Variants in LTBP4 observed in about 807,000 individuals in gnomAD.
LTBP4 encodes the protein latent transforming growth factor beta binding protein 4, also known as latent-transforming growth factor beta-binding protein 4.
A neutral mutation model predicts 180.2 loss-of-function variants in LTBP4; 93 were observed. The ratio of observed to expected loss-of-function variants is 0.52; its 90% CI spans 0.44 to 0.61. The LOEUF is 0.61. LTBP4 is among the 20% of genes least tolerant of loss of function. The pLI, the probability that LTBP4 is intolerant of heterozygous loss-of-function variation, is 0.00. For missense variants in LTBP4, 2,116 were observed against 2,256.5 expected (o/e 0.94, Z 1.26); for synonymous variants, 947 against 934.5 (o/e 1.01, Z -0.24).
At position 40,612,176 on chromosome 19, in the gene LTBP4, C is replaced by G. The variant is rs748702208; in HGVS notation, c.2283C>G (p.His761Gln). The G allele has an allele frequency of 6.2e-7, 1 of 1,606,934 alleles. No individual in the cohort carries two copies. Among genetic ancestry groups the G allele is most frequent in the Non-Finnish European group, 8.5e-7 (1 of 1,177,164 alleles). ...CCTGTCCTTCTGGCCACCACCTGCA[C>G]CGTGGCAGATGCACTGGTGAGACCA... ...CRTCPSGHHL[H>Q]RGRCTDVDEC... The change falls in exon 15 of 30, where the codon CAC becomes CAG. Residue 761 changes from histidine (H) to glutamine (Q), a missense_variant. Coordinates refer to ENST00000396819, the MANE Select transcript of LTBP4 (RefSeq NM_001042545.2).
chr19:40,606,150 C>T (rs931856545), intron 4 of LTBP4, 83 bp from the exon 5 acceptor site: 5 of 1,260,474 alleles, frequency 4.0e-6, no homozygotes, highest in Non-Finnish European at 5.7e-6. Flanking sequence ...TCTTTTAGTC[C>T]CTCCCACCCC....
chr19:40,627,780 G>A lies in LTBP4; in HGVS notation c.4442G>A (p.Cys1481Tyr). The A allele has an allele frequency of 6.3e-7, 1 of 1,575,338 alleles. No homozygotes were observed. Among genetic ancestry groups the A allele is most frequent in the Non-Finnish European group, 8.6e-7 (1 of 1,164,352 alleles). ...GILDGCTNGR[C>Y]VRVPEGFTCR... ...CTGGACGGCTGCACCAACGGCCGCT[G>A]CGTGCGCGTCCCCGAAGGCTTCACC... is the stretch of plus-strand genomic sequence containing the variant. Residue 1481 changes from cysteine (C) to tyrosine (Y), a missense_variant, in exon 29 of 30, where the codon TGC becomes TAC. Cys to Tyr is a radical substitution (Grantham distance 194). Around this residue, in one of 5 missense-constraint regions of LTBP4, gnomAD observed 488 missense variants for 458.8 expected, o/e 1.06. Coordinates refer to ENST00000396819, the MANE Select transcript of LTBP4 (RefSeq NM_001042545.2).
Position 40,601,604 on chromosome 19 carries a change from G to C in LTBP4, c.217G>C (p.Gly73Arg). 7.1e-7 allele frequency: 1 copy of C among 1,400,350 alleles called. No homozygotes were observed. Among genetic ancestry groups the C allele is most frequent in the Non-Finnish European group, 9.2e-7 (1 of 1,085,158 alleles). The allele number at this position is 1,400,350 out of a possible 1,614,324, so 86.7% of individuals were successfully genotyped here. The change falls in exon 1 of 30, where the codon GGG becomes CGG. Residue 73 changes from glycine (G) to arginine (R), a missense_variant. This residue lies in a region of LTBP4 where 469 missense variants were observed against 532.5 expected (regional missense o/e 0.88). Transcript: ENST00000396819. ...ATSVDSGAPGGAAPGGPGFRA... is the reference protein window; with the variant it reads ...ATSVDSGAPGRAAPGGPGFRA... ...CAGCGTGGACAGCGGCGCTCCCGGC[G>C]GGGCGGCCCCGGGGGGACCCGGCTT...
Position 40,625,922 on chromosome 19 carries a change from G to A in LTBP4, c.3898G>A (p.Asp1300Asn), listed in dbSNP as rs1336863229. ...ADLVCSHPRL[D>N]RQATYTECCC... Reference sequence around the variant, plus strand: ...CCTCGTGTGCAGCCACCCTCGGCTGGACCGTCAGGCCACCTACACAGAGTG... The same window carrying A: ...CCTCGTGTGCAGCCACCCTCGGCTGAACCGTCAGGCCACCTACACAGAGTG... Residue 1300 changes from aspartate to asparagine, a missense_variant, in exon 27 of 30, where the codon GAC (aspartate) becomes AAC (asparagine). Physicochemically the swap from Asp to Asn is conservative, Grantham distance 23. Transcript: ENST00000396819. 7 of 1,604,286 alleles carry A rather than the reference G, an allele frequency of 4.4e-6. No homozygotes were observed. The highest frequency in any genetic ancestry group is 5.1e-6 in the Non-Finnish European group (6 of 1,176,192).
Position 40,610,539 on chromosome 19 carries a change from C to A in LTBP4, c.1692C>A (p.Asp564Glu), listed in dbSNP as rs772128413. Residue 564 changes from aspartate (D) to glutamate (E), a missense_variant, in exon 12 of 30, where the codon GAC becomes GAA. Coordinates refer to ENST00000396819, the MANE Select transcript of LTBP4 (RefSeq NM_001042545.2). ...GPRAAECLDVDECHRVPPPCD... is the reference protein window; with the variant it reads ...GPRAAECLDVEECHRVPPPCD... ...CCTGGTCTGTGCCTACAGATGTGGA[C>A]GAGTGCCACCGCGTGCCGCCGCCGT... 3 of 1,594,002 alleles carry A rather than the reference C, an allele frequency of 1.9e-6. No individual in the cohort carries two copies. Among genetic ancestry groups the A allele is most frequent in the Admixed American group, 1.7e-5 (1 of 58,614 alleles).
intron 29 of LTBP4, 76 bp downstream of exon 29, chr19:40,627,933 G>C: frequency 2.0e-6 from 3 of 1,494,820 alleles, no homozygotes; most frequent in Non-Finnish European, 2.7e-6. Flanking sequence ...CCTGACTAGG[G>C]GGTGCTGGTC....
At chr19:40,593,667 T>G (rs762996320) in intron 1 of LTBP4, among the ~76,000 whole-genome samples, 41 of 149,482 alleles carry the variant, frequency 2.7e-4, no homozygotes, top group Non-Finnish European at 4.9e-4. Context: ...TATGGTGGTG[T>G]TTTGTAATGC....
Position 40,605,904 on chromosome 19 carries a change from C to T in LTBP4, c.793+73C>T, listed in dbSNP as rs930034531. On this transcript the variant is annotated intron_variant, in intron 4 of 29. Coordinates refer to ENST00000396819, the MANE Select transcript of LTBP4 (RefSeq NM_001042545.2). This position sits in a 1 kb window ranked among gnomAD's most constrained non-coding sequence, Gnocchi z 5.5. Reference sequence around the variant, plus strand: ...CAACCTCACCGTTCCTCCTACTCTGCCCTAGATAAACCCAGTTCACAAATT... The same window carrying T: ...CAACCTCACCGTTCCTCCTACTCTGTCCTAGATAAACCCAGTTCACAAATT... 3.4e-6 allele frequency: 5 copies of T among 1,452,602 alleles called. No homozygotes were observed. Among genetic ancestry groups the T allele is most frequent in the Non-Finnish European group, 4.6e-6 (5 of 1,081,214 alleles). 90.0% of individuals were successfully genotyped at this position (1,452,602 alleles called of 1,614,324 possible).
At position 40,605,623 on chromosome 19, in the gene LTBP4, T is replaced by G; in HGVS notation, c.661T>G (p.Tyr221Asp). 1.3e-6 allele frequency: 2 copies of G among 1,590,730 alleles called. No individual in the cohort carries two copies. Among genetic ancestry groups the G allele is most frequent in the East Asian group, 2.3e-5 (1 of 43,934 alleles). The change falls in exon 3 of 30, where the codon TAC becomes GAC. Residue 221 changes from tyrosine (Y) to aspartate (D), a missense_variant. Tyr to Asp is a radical substitution (Grantham distance 160, BLOSUM62 -3). This residue lies in a region of LTBP4 where 469 missense variants were observed against 532.5 expected (regional missense o/e 0.88). Coordinates refer to ENST00000396819, the MANE Select transcript of LTBP4 (RefSeq NM_001042545.2). The surrounding 1 kb of genome is among the most constrained non-coding windows in gnomAD (Gnocchi z 5.5). ...DGYSDASGFG[Y>D]CFRELRGGEC... is the part of the protein sequence containing the mutation. ...CTACTCAGATGCCTCGGGCTTCGGT[T>G]ACTGCTTTCGGGAGCTGCGCGGAGG...
chr19:40,597,358 G>C, upstream of LTBP4: 1 of 1,520,928 alleles, frequency 6.6e-7, no homozygotes, highest in African/African-American at 1.4e-5. Flanking sequence ...CGAGGTCCCG[G>C]GGGTCCCCAG....
At chr19:40,623,104 C>T (rs1178586975) in intron 24 of LTBP4, 83 bp downstream of exon 24, 21 of 1,046,316 alleles carry the variant, frequency 2.0e-5, no homozygotes, top group East Asian at 2.7e-5. Flanking sequence ...CTCTGTCTCT[C>T]ACCCTTTCTG....
chr19:40,610,448 C>A, intron 11 of LTBP4, 84 bp from the exon 12 acceptor site: 1 of 1,486,428 alleles, frequency 6.7e-7, no homozygotes. Flanking sequence ...GGTCCCGCTC[C>A]CGCTTCCCTC....
Position 40,611,202 on chromosome 19 carries a change from A to G in LTBP4, c.1861A>G (p.Lys621Glu). ...SPGLCGRGAC[K>E]NLPGSFRCVC... ...AGGCCTGTGTGGCCGAGGGGCCTGC[A>G]AGAACCTGCCTGGCTCTTTCCGCTG... Residue 621 changes from lysine (K) to glutamate (E), a missense_variant, in exon 13 of 30, where the codon AAG becomes GAG. Lys to Glu is a moderately conservative substitution (Grantham distance 56, BLOSUM62 1). This residue lies in a region of LTBP4 where 877 missense variants were observed against 873.6 expected (regional missense o/e 1.00). Coordinates refer to ENST00000396819, the MANE Select transcript of LTBP4 (RefSeq NM_001042545.2). This position sits in a 1 kb window ranked among gnomAD's most constrained non-coding sequence, Gnocchi z 4.4. 6.2e-7 allele frequency: 1 copy of G among 1,613,766 alleles called. No individual in the cohort carries two copies. Among genetic ancestry groups the G allele is most frequent in the Middle Eastern group, 1.7e-4 (1 of 6,046 alleles).
intron 19 of LTBP4, among the ~76,000 whole-genome samples, 166 bp downstream of exon 19, chr19:40,614,612 A>T (rs888585799): frequency 6.6e-6 from 1 of 151,916 alleles, no homozygotes; most frequent in East Asian, 1.9e-4. Context: ...GTGTCCATGT[A>T]TTTTCTTGTG....
intron 26 of LTBP4, among the ~76,000 whole-genome samples, chr19:40,624,551 G>A (rs945275154): frequency 2.0e-5 from 3 of 151,970 alleles, no homozygotes; most frequent in Non-Finnish European, 2.9e-5. Context: ...GTGCTACCAC[G>A]CCCAGCTAAT....
rs762614195 is a variant in LTBP4, at chr19:40,608,515, G to A, written c.1338G>A (p.Arg446=). The A allele has an allele frequency of 2.5e-6, 4 of 1,606,576 alleles. No individual in the cohort carries two copies. The highest frequency in any genetic ancestry group is 2.7e-5 in the African/African-American group (2 of 74,828). Residue 446 remains arginine (R), a synonymous_variant, in exon 9 of 30, where the codon CGG becomes CGA. Transcript: ENST00000396819. ...GFLPTHRLEP[R]PEPRPDPRPG... ...TGCCCACCCATCGCCTGGAGCCCCG[G>A]CCTGAACCCCGGCCCGATCCCCGGC...
At position 40,619,473 on chromosome 19, in the gene LTBP4, T is replaced by C; in HGVS notation, c.3197T>C (p.Val1066Ala). Residue 1066 changes from valine to alanine, a missense_variant, in exon 22 of 30, where the codon GTT becomes GCT. By Grantham distance (64) the Val-to-Ala change is moderately conservative. Coordinates refer to ENST00000396819, the MANE Select transcript of LTBP4 (RefSeq NM_001042545.2). ...TTTGACCCCATGACTGGACGCTGTG[T>C]TCCCCCACGAACTTCTGCTGGTGAG... ...EEFDPMTGRC[V>A]PPRTSAGTFP... 2 of 1,612,080 alleles carry C rather than the reference T, an allele frequency of 1.2e-6. No homozygotes were observed. The highest frequency in any genetic ancestry group is 1.7e-6 in the Non-Finnish European group (2 of 1,178,862).
At chr19:40,600,236 CG>C (rs2081414385), upstream of LTBP4, 1 of 1,034,856 alleles carries the variant, frequency 9.7e-7, no homozygotes, top group Non-Finnish European at 1.3e-6. The surrounding 1 kb of genome is among the most constrained non-coding windows in gnomAD (Gnocchi z 4.4). Flanking sequence ...CAGATAAAGC[CG>C]TCTGGTTCCC....
In LTBP4 at chr19:40,616,929, A is replaced by G. The variant is rs2081553067; in HGVS notation, c.2853A>G (p.Gly951=). 1.2e-6 allele frequency: 2 copies of G among 1,613,974 alleles called. No homozygotes were observed. The highest frequency in any genetic ancestry group is 1.7e-6 in the Non-Finnish European group (2 of 1,179,874). Residue 951 remains glycine, a synonymous_variant, in exon 20 of 30, where the codon GGA becomes GGG. Transcript: ENST00000396819. ...ECQEYGPEIC[G]AQRCENTPGS... ...AAGAATATGGTCCCGAGATTTGTGG[A>G]GCCCAGCGTTGTGAGAACACCCCTG... is the stretch of plus-strand genomic sequence containing the variant.
Sources: allele counts gnomAD v4.1 joint callset (sites outside exome capture counted in the v4.1 genomes callset), GRCh38; gene constraint gnomAD v4.1.1; regional missense constraint gnomAD v4.1.1; non-coding constraint Gnocchi (gnomAD v3.1); transcripts MANE v1.5; gene names NCBI Gene and HGNC (gene_info 2026-07-23, HGNC 2026-07-21).